Variants in PLD5 observed in about 807,000 individuals in gnomAD.
The protein encoded by PLD5 is phospholipase D family member 5.
A neutral mutation model predicts 61.1 loss-of-function variants in PLD5; 36 were observed. The observed-to-expected ratio is 0.59, with a 90% CI of 0.45 to 0.78. PLD5 has a LOEUF of 0.78. Ranked by LOEUF, PLD5 falls within the 30% of genes least tolerant of loss-of-function variation. The pLI, the probability that PLD5 is intolerant of heterozygous loss-of-function variation, is 0.00. For missense variants in PLD5, 515 were observed against 644.4 expected (o/e 0.80, Z 2.17); for synonymous variants, 243 against 242.8 (o/e 1.00, Z -0.01).
intron 4 of PLD5, among the ~76,000 whole-genome samples, chr1:242,241,758 G>A (rs1284527917): frequency 7.6e-6 from 1 of 132,408 alleles, no homozygotes; most frequent in East Asian, 2.3e-4. Context: ...TTATTCATAT[G>A]TATATTCCTA....
intron 4 of PLD5, among the ~76,000 whole-genome samples, chr1:242,253,739 A>G (rs894420400): frequency 4.6e-5 from 7 of 152,338 alleles, no homozygotes; most frequent in African/African-American, 1.7e-4. Flanking sequence ...ATATGCATAT[A>G]ATTTCCTTGA....
At chr1:242,228,129 G>A (rs1671073350) in intron 4 of PLD5, among the ~76,000 whole-genome samples, 1 of 152,214 alleles carries the variant, frequency 6.6e-6, no homozygotes, top group African/African-American at 2.4e-5. Context: ...TGCACACGAG[G>A]AAGATGGGAG....
At chr1:242,490,248 T>A (rs1374340080) in intron 1 of PLD5, among the ~76,000 whole-genome samples, 2 of 152,226 alleles carry the variant, frequency 1.3e-5, no homozygotes, top group East Asian at 3.8e-4. Context: ...TTACCAGAAG[T>A]TCGTTTCTTA....
chr1:242,397,675 C>T (rs1663672651), intron 1 of PLD5, among the ~76,000 whole-genome samples: 1 of 152,110 alleles, frequency 6.6e-6, no homozygotes. Context: ...CTCCCTCACT[C>T]CCTACCTAGT....
chr1:242,393,689 T>C lies in PLD5; in HGVS notation c.190-45447A>G, dbSNP rs912381943. On this transcript the variant is annotated intron_variant, in intron 1 of 9. Transcript: ENST00000536534. Reference sequence around the variant, plus strand: ...ATATATATGAGTATATATGTGTATATATATGAGTATATATGTGTGTATATA... The same window carrying C: ...ATATATATGAGTATATATGTGTATACATATGAGTATATATGTGTGTATATA... Among the ~76,000 whole-genome samples the C allele has an allele frequency of 2.0e-5, 2 of 101,654 alleles. 1 individual carries two copies. Among genetic ancestry groups the C allele is most frequent in the African/African-American group, 7.1e-5 (2 of 28,076 alleles). The allele number at this position is 101,654 out of a possible 152,430, so 66.7% of individuals were successfully genotyped here.
At chr1:242,296,178 T>A (rs1342276639) in intron 2 of PLD5, among the ~76,000 whole-genome samples, 1 of 152,188 alleles carries the variant, frequency 6.6e-6, no homozygotes, top group Non-Finnish European at 1.5e-5. Flanking sequence ...ATTTTTCTTA[T>A]GTTGGTTGCT....
chr1:242,112,283 CTGTGTGTGTGTGTG>C (rs748175841), intron 7 of PLD5, among the ~76,000 whole-genome samples: 63 of 119,746 alleles, frequency 5.3e-4, no homozygotes, highest in African/African-American at 1.6e-3. Flanking sequence ...AAAGGATGCA[CTGTGTGTGTGTGTG>C]TGTGTGTGTG....
chr1:242,127,842 T>C (rs913033398), intron 5 of PLD5, among the ~76,000 whole-genome samples: 1 of 152,298 alleles, frequency 6.6e-6, no homozygotes. Context: ...TATTCAAGCC[T>C]AGTAGAGCCA....
At chr1:242,380,155 C>A (rs1662196798) in intron 1 of PLD5, among the ~76,000 whole-genome samples, 1 of 152,140 alleles carries the variant, frequency 6.6e-6, no homozygotes, top group South Asian at 2.1e-4. Flanking sequence ...TAGGGAAATT[C>A]TTCACTTTTC....
At chr1:242,425,724 G>T (rs1665385356) in intron 1 of PLD5, among the ~76,000 whole-genome samples, 1 of 143,844 alleles carries the variant, frequency 7.0e-6, no homozygotes, top group Non-Finnish European at 1.5e-5. Context: ...CTCACTCTAA[G>T]TTCCACCTCC....
intron 5 of PLD5, 98 bp from the exon 6 acceptor site, chr1:242,124,763 CT>C (rs1480121035): frequency 3.1e-6 from 3 of 972,658 alleles, no homozygotes; most frequent in Non-Finnish European, 4.6e-6. Flanking sequence ...GTTGTGACAT[CT>C]TTTTTCTTGC....
intron 1 of PLD5, among the ~76,000 whole-genome samples, chr1:242,489,776 C>T (rs1009878355): frequency 6.6e-6 from 1 of 152,154 alleles, no homozygotes; most frequent in Non-Finnish European, 1.5e-5. Flanking sequence ...TGTGTTGGCT[C>T]TTACAGAATC....
intron 4 of PLD5, among the ~76,000 whole-genome samples, chr1:242,259,763 C>G (rs1673278995): frequency 6.6e-6 from 1 of 151,652 alleles, no homozygotes. Flanking sequence ...GCTACAGAGG[C>G]ATTAAATATT....
chr1:242,212,165 A>AG (rs1232933762), intron 5 of PLD5, among the ~76,000 whole-genome samples: 3 of 152,248 alleles, frequency 2.0e-5, no homozygotes, highest in Middle Eastern at 3.4e-3. Flanking sequence ...CTCAGCCCCG[A>AG]TATCACCAGG....
chr1:242,270,136 G>A (rs544103179), intron 3 of PLD5, among the ~76,000 whole-genome samples: 2 of 151,126 alleles, frequency 1.3e-5, no homozygotes, highest in African/African-American at 4.9e-5. Flanking sequence ...TGGCTTTCAA[G>A]CTTGTTTTAG....
At chr1:242,403,363 C>T (rs1244271092) in intron 1 of PLD5, among the ~76,000 whole-genome samples, 3 of 152,156 alleles carry the variant, frequency 2.0e-5, no homozygotes, top group East Asian at 1.9e-4. Context: ...AGCACACAGG[C>T]GCAAGCCAGA....
intron 9 of PLD5, among the ~76,000 whole-genome samples, chr1:242,098,878 T>C (rs757499235): frequency 3.3e-5 from 5 of 152,134 alleles, no homozygotes; most frequent in Non-Finnish European, 7.4e-5. Context: ...ACAGCAGATA[T>C]TGGTGAACAG....
chr1:242,121,376 T>C (rs1031475647), intron 6 of PLD5, among the ~76,000 whole-genome samples: 1 of 152,182 alleles, frequency 6.6e-6, no homozygotes, highest in African/African-American at 2.4e-5. Flanking sequence ...GTCTGAATGA[T>C]ATCAATTCCA....
chr1:242,185,442 AGTAT>A (rs1667811951), intron 5 of PLD5, among the ~76,000 whole-genome samples: 1 of 149,510 alleles, frequency 6.7e-6, no homozygotes, highest in Non-Finnish European at 1.5e-5. Flanking sequence ...AACTGTGAAT[AGTAT>A]GTATTCTTTT....
Sources: gnomAD v4.1 joint callset for allele counts (sites outside exome capture counted in the v4.1 genomes callset) on GRCh38, gnomAD v4.1.1 for gene constraint, MANE v1.5 for transcripts, NCBI Gene and HGNC (gene_info 2026-07-23, HGNC 2026-07-21) for gene names.